The following ARHGAP32 variants were observed in gnomAD, a reference collection of about 807,000 sequenced individuals.
ARHGAP32 encodes the protein rho GTPase-activating protein 32.
Under a neutral mutation model 186.5 loss-of-function variants are expected in ARHGAP32, and 51 were observed. That is an observed-to-expected ratio of 0.27 (90% confidence interval 0.22 to 0.35). The LOEUF (loss-of-function observed/expected upper bound fraction) is 0.35. Ranked by LOEUF, ARHGAP32 falls within the 10% of genes least tolerant of loss-of-function variation. ARHGAP32 has a pLI of 1.00. For missense variants in ARHGAP32, 2,186 were observed against 2,623.5 expected (o/e 0.83, Z 3.64); for synonymous variants, 950 against 964.3 (o/e 0.99, Z 0.27).
intron 2 of ARHGAP32, among the ~76,000 whole-genome samples, chr11:129,142,378 T>C (rs1333364292): frequency 6.6e-6 from 1 of 152,188 alleles, no homozygotes; most frequent in South Asian, 2.1e-4. Flanking sequence ...CATTAATTAC[T>C]GAACAGTACA....
At chr11:128,989,571 T>C (rs1384428763) in intron 12 of ARHGAP32, among the ~76,000 whole-genome samples, 1 of 146,360 alleles carries the variant, frequency 6.8e-6, no homozygotes, top group African/African-American at 2.5e-5. Context: ...TATATCTTTT[T>C]TTATTATACT....
At chr11:129,031,199 A>C (rs761720896) in intron 11 of ARHGAP32, among the ~76,000 whole-genome samples, 1 of 152,248 alleles carries the variant, frequency 6.6e-6, no homozygotes, top group African/African-American at 2.4e-5. Flanking sequence ...ATAAGTATCT[A>C]TATAAATTAA....
chr11:129,170,055 C>T (rs1943725586), intron 1 of ARHGAP32, among the ~76,000 whole-genome samples: 1 of 151,944 alleles, frequency 6.6e-6, no homozygotes, highest in Non-Finnish European at 1.5e-5. Flanking sequence ...CAGTAATATA[C>T]AAAAACCCAG....
At chr11:129,069,303 G>T (rs910359563) in intron 6 of ARHGAP32, among the ~76,000 whole-genome samples, 1 of 152,000 alleles carries the variant, frequency 6.6e-6, no homozygotes, top group Admixed American at 6.6e-5. Flanking sequence ...GGTTATTTAA[G>T]AATTAAATCA....
At position 129,123,935 on chromosome 11, in the gene ARHGAP32, C is replaced by T. The variant is rs1474315566; in HGVS notation, c.318-6G>A. 1.5e-5 allele frequency: 19 copies of T among 1,289,702 alleles called. No individual in the cohort carries two copies. The highest frequency in any genetic ancestry group is 3.7e-5 in the South Asian group (3 of 80,744). The allele number at this position is 1,289,702 out of a possible 1,614,324, so 79.9% of individuals were successfully genotyped here. The stretch of plus-strand genomic sequence containing the variant: ...TCAGTCCTGGAGTGGTGGACCTGAA[C>T]GCAGAATGAACATTTTTATCCTTGT... On this transcript the variant is annotated splice_region_variant and splice_polypyrimidine_tract_variant and intron_variant, in intron 3 of 22. Transcript: ENST00000682385. The surrounding 1 kb of genome is among the most constrained non-coding windows in gnomAD (Gnocchi z 4.6).
intron 2 of ARHGAP32, among the ~76,000 whole-genome samples, chr11:129,139,322 C>T (rs1942999630): frequency 6.6e-6 from 1 of 152,110 alleles, no homozygotes; most frequent in East Asian, 1.9e-4. Flanking sequence ...ACTGTATAGT[C>T]ATTAAATATG....
At chr11:129,212,848 A>G (rs1013516335) in intron 1 of ARHGAP32, among the ~76,000 whole-genome samples, 1 of 152,134 alleles carries the variant, frequency 6.6e-6, no homozygotes, top group Non-Finnish European at 1.5e-5. Context: ...ATGTATCCAA[A>G]ATAAGTTTTT....
intron 7 of ARHGAP32, 65 bp downstream of exon 7, chr11:129,066,666 A>G (rs1940701467): frequency 6.7e-7 from 1 of 1,500,148 alleles, no homozygotes; most frequent in Non-Finnish European, 9.0e-7. Flanking sequence ...TTTAGTATAC[A>G]GACAAAAACT....
chr11:129,248,394 G>T (rs1350124660), intron 1 of ARHGAP32, among the ~76,000 whole-genome samples: 1 of 151,850 alleles, frequency 6.6e-6, no homozygotes, highest in Non-Finnish European at 1.5e-5. Flanking sequence ...TTTATGTCTT[G>T]GCTCCCGTTA....
At chr11:128,976,270 A>G (rs969845940) in intron 20 of ARHGAP32, among the ~76,000 whole-genome samples, 2 of 152,164 alleles carry the variant, frequency 1.3e-5, no homozygotes, top group African/African-American at 4.8e-5. Flanking sequence ...GGAAACAGTA[A>G]TAACACAAGT....
intron 7 of ARHGAP32, 64 bp from the exon 8 acceptor site, chr11:129,064,997 G>T: frequency 7.4e-7 from 1 of 1,352,398 alleles, no homozygotes; most frequent in Non-Finnish European, 1.0e-6. Context: ...AGGGAAAACT[G>T]GATGGTTTCT....
chr11:129,133,277 C>G (rs374739262), intron 2 of ARHGAP32, among the ~76,000 whole-genome samples: 1 of 152,054 alleles, frequency 6.6e-6, no homozygotes, highest in East Asian at 1.9e-4. Context: ...AGATAGCTAA[C>G]GGACAATATC....
rs762902906 is a variant in ARHGAP32, at chr11:128,971,178, A to G, written c.4054-19T>C. 6.4e-7 allele frequency: 1 copy of G among 1,571,074 alleles called. No individual in the cohort carries two copies. Among genetic ancestry groups the G allele is most frequent in the African/African-American group, 1.4e-5 (1 of 73,764 alleles). On this transcript the variant is annotated intron_variant, in intron 22 of 22. Transcript: ENST00000682385. ...CTTGAACCTATTGAAAGATGATAATACTATGGGTCTATTTTTTGTTCCCTC... is the reference window on the plus strand; with the variant it reads ...CTTGAACCTATTGAAAGATGATAATGCTATGGGTCTATTTTTTGTTCCCTC...
chr11:129,268,271 A>G (rs1044554082), intron 1 of ARHGAP32, among the ~76,000 whole-genome samples: 5 of 152,188 alleles, frequency 3.3e-5, no homozygotes, highest in South Asian at 2.1e-4. Flanking sequence ...ACAGACAGCT[A>G]AAGAGCTATC....
intron 1 of ARHGAP32, among the ~76,000 whole-genome samples, chr11:129,233,577 C>A (rs548364057): frequency 1.3e-5 from 2 of 150,896 alleles, no homozygotes; most frequent in East Asian, 3.9e-4. Flanking sequence ...ACATGCACAA[C>A]TGAACGTGTA....
At chr11:129,262,223 C>T (rs991866225) in intron 1 of ARHGAP32, among the ~76,000 whole-genome samples, 6 of 152,128 alleles carry the variant, frequency 3.9e-5, no homozygotes, top group Non-Finnish European at 5.9e-5. Context: ...TTCTGTCTCT[C>T]ATGTTTTTTT....
chr11:129,112,136 G>A (rs948366446), intron 5 of ARHGAP32, among the ~76,000 whole-genome samples: 10 of 151,992 alleles, frequency 6.6e-5, no homozygotes, highest in African/African-American at 9.7e-5. Flanking sequence ...CCAGCTACTC[G>A]GGAGGCTGAG....
chr11:129,174,563 C>T (rs1487842810), intron 1 of ARHGAP32, among the ~76,000 whole-genome samples: 1 of 152,182 alleles, frequency 6.6e-6, no homozygotes, highest in African/African-American at 2.4e-5. Flanking sequence ...TTGAAGAGAG[C>T]AATGCTTCTC....
chr11:128,972,525 T>G lies in ARHGAP32; in HGVS notation c.3981A>C (p.Arg1327Ser). The change falls in exon 22 of 23, where the codon AGA (arginine) becomes AGC (serine). Residue 1327 changes from arginine to serine, a missense_variant. Physicochemically the swap from Arg to Ser is moderately radical, Grantham distance 110. Coordinates refer to ENST00000682385, the MANE Select transcript of ARHGAP32 (RefSeq NM_001378024.1). The stretch of plus-strand genomic sequence containing the variant: ...CCACAACTGGTGGCTGCTCTGCAGA[T>G]CTCTGGGAAGGCGGAGGGGGAAGGG... ...NRPLPPPPSQ[R>S]SAEQPPVVGQ... 2 of 1,556,334 alleles carry G rather than the reference T, an allele frequency of 1.3e-6. No homozygotes were observed. The highest frequency in any genetic ancestry group is 8.7e-7 in the Non-Finnish European group (1 of 1,149,720).
Sources: gnomAD v4.1 joint callset for allele counts (sites outside exome capture counted in the v4.1 genomes callset) on GRCh38, gnomAD v4.1.1 for gene constraint, Gnocchi (gnomAD v3.1) non-coding constraint, MANE v1.5 for transcripts, NCBI Gene and HGNC (gene_info 2026-07-23, HGNC 2026-07-21) for gene names.